LHFPL3: variants seen among roughly 807,000 people sequenced by gnomAD.
LHFPL3 encodes LHFPL tetraspan subfamily member 3, also known as LHFPL tetraspan subfamily member 3 protein.
In LHFPL3, 5 loss-of-function variants were observed where a neutral mutation model predicts 19.3. The ratio of observed to expected loss-of-function variants is 0.26; its 90% CI spans 0.14 to 0.54. The LOEUF (loss-of-function observed/expected upper bound fraction) is 0.54, where lower values mean the gene tolerates loss of function less well. Ranked by LOEUF, LHFPL3 falls within the 20% of genes least tolerant of loss-of-function variation. The pLI is 0.94. For synonymous variants in LHFPL3, 133 were observed against 126.2 expected (o/e 1.05, Z -0.36); for missense variants, 249 against 307.4 (o/e 0.81, Z 1.42).
chr7:104,625,154 G>T (rs938018205), intron 1 of LHFPL3, among the ~76,000 whole-genome samples: 4 of 152,160 alleles, frequency 2.6e-5, no homozygotes, highest in Non-Finnish European at 4.4e-5. Flanking sequence ...CATTGTCCTT[G>T]CATTCAGTGC....
intron 1 of LHFPL3, among the ~76,000 whole-genome samples, chr7:104,631,952 G>C (rs1164299607): frequency 6.6e-6 from 1 of 152,132 alleles, no homozygotes; most frequent in Non-Finnish European, 1.5e-5. Context: ...ATAAGAAGGA[G>C]GTTCTCCACA....
At chr7:104,744,458 A>G (rs1346149628) in intron 2 of LHFPL3, among the ~76,000 whole-genome samples, 1 of 152,250 alleles carries the variant, frequency 6.6e-6, no homozygotes, top group East Asian at 1.9e-4. Context: ...TCATCAAAGC[A>G]TCTCAGAATG....
At chr7:104,727,076 T>C (rs530459382) in intron 1 of LHFPL3, among the ~76,000 whole-genome samples, 24 of 152,386 alleles carry the variant, frequency 1.6e-4, no homozygotes, top group Admixed American at 1.4e-3. Flanking sequence ...ATTTCTCTAA[T>C]GATCAGTGAT....
At chr7:104,406,515 T>C (rs2116503244) in intron 1 of LHFPL3, among the ~76,000 whole-genome samples, 1 of 152,348 alleles carries the variant, frequency 6.6e-6, no homozygotes, top group East Asian at 1.9e-4. Flanking sequence ...ACCCATTTTA[T>C]TGAGATATGA....
chr7:104,641,799 A>G (rs1454259106), intron 1 of LHFPL3, among the ~76,000 whole-genome samples: 1 of 152,236 alleles, frequency 6.6e-6, no homozygotes, highest in Non-Finnish European at 1.5e-5. Context: ...ATTCGGTTCT[A>G]TCAGAACTTC....
rs544838812 is a variant in LHFPL3 at position 104,516,118 on chromosome 7, AG to A, written c.445+186896del. 2.0e-5 allele frequency among the ~76,000 whole-genome samples: 3 copies of A among 152,228 alleles called. No homozygotes were observed. In the South Asian group the frequency reaches 6.2e-4, roughly 32 times the overall value. ...TTGACTCACAGTTCAGCATTTCCTG[AG>A]GCTGAGGAGGCCTCAGGAAACTTAC... is the stretch of plus-strand genomic sequence containing the variant. On this transcript the variant is annotated intron_variant, in intron 1 of 2. Transcript: ENST00000424859.
intron 2 of LHFPL3, among the ~76,000 whole-genome samples, chr7:104,899,560 G>A (rs1215866320): frequency 6.6e-6 from 1 of 152,190 alleles, no homozygotes; most frequent in East Asian, 1.9e-4. Context: ...ACACAGGAAG[G>A]AGAGGAAGCT....
chr7:104,904,027 G>T (rs1429177449), intron 2 of LHFPL3, among the ~76,000 whole-genome samples: 1 of 152,172 alleles, frequency 6.6e-6, no homozygotes, highest in African/African-American at 2.4e-5. Flanking sequence ...CACAGTGGTT[G>T]ATTGTTTTGC....
chr7:104,460,934 C>T (rs896187604), intron 1 of LHFPL3, among the ~76,000 whole-genome samples: 3 of 152,124 alleles, frequency 2.0e-5, no homozygotes, highest in Non-Finnish European at 4.4e-5. Context: ...AATGATATAG[C>T]CTAGGTTGAC....
At chr7:104,694,302 C>T (rs1216031793) in intron 1 of LHFPL3, among the ~76,000 whole-genome samples, 1 of 151,976 alleles carries the variant, frequency 6.6e-6, no homozygotes, top group Non-Finnish European at 1.5e-5. Context: ...CCTAGGGGGA[C>T]AATTAGGAAA....
At chr7:104,622,767 C>T (rs988828311) in intron 1 of LHFPL3, among the ~76,000 whole-genome samples, 8 of 152,160 alleles carry the variant, frequency 5.3e-5, no homozygotes, top group South Asian at 2.1e-4. Context: ...ATAATGCAAA[C>T]GTTCATGTAC....
chr7:104,407,743 T>C (rs4605995), intron 1 of LHFPL3, among the ~76,000 whole-genome samples: 1 of 152,146 alleles, frequency 6.6e-6, no homozygotes, highest in African/African-American at 2.4e-5. Flanking sequence ...AACATTGAAG[T>C]TGGCAGAAAC....
chr7:104,391,093 C>T (rs917297795), intron 1 of LHFPL3, among the ~76,000 whole-genome samples: 12 of 152,280 alleles, frequency 7.9e-5, no homozygotes, highest in South Asian at 4.1e-4. Context: ...AGCCCTTTGT[C>T]AGATGGGTAG....
intron 2 of LHFPL3, among the ~76,000 whole-genome samples, chr7:104,836,894 C>T (rs900011482): frequency 6.6e-6 from 1 of 152,214 alleles, no homozygotes; most frequent in African/African-American, 2.4e-5. Flanking sequence ...ATGAAAATTA[C>T]ACCCAGTCTT....
intron 1 of LHFPL3, among the ~76,000 whole-genome samples, chr7:104,557,985 A>T (rs867525087): frequency 6.6e-6 from 1 of 150,640 alleles, no homozygotes; most frequent in Non-Finnish European, 1.5e-5. Context: ...AATTTCATCC[A>T]TGTCCCTACA....
At chr7:104,520,417 TTG>T in intron 1 of LHFPL3, among the ~76,000 whole-genome samples, 1 of 147,264 alleles carries the variant, frequency 6.8e-6, no homozygotes, top group Admixed American at 6.8e-5. Flanking sequence ...TCTTTTTTTG[TTG>T]TGTCTCTGCC....
At chr7:104,856,684 C>T (rs1791512342) in intron 2 of LHFPL3, among the ~76,000 whole-genome samples, 1 of 152,194 alleles carries the variant, frequency 6.6e-6, no homozygotes, top group Non-Finnish European at 1.5e-5. Context: ...ACGTGAGAAT[C>T]TTTAAATCAC....
In LHFPL3 at chr7:104,630,291, A is replaced by T. The variant is rs140196185; in HGVS notation, c.446-106384A>T. ...GTGAGAAGGTCTAGAGAGATTTTTC[A>T]AAGAACTTGAATGGTGAGCTGGGTT... On this transcript the variant is annotated intron_variant, in intron 1 of 2. Transcript: ENST00000424859. Among the ~76,000 whole-genome samples, 8 of 152,294 alleles carry T rather than the reference A, an allele frequency of 5.3e-5. No individual in the cohort carries two copies. The East Asian group carries it at 1.5e-3, about 29-fold the overall frequency.
chr7:104,798,428 A>C (rs1361990852), intron 2 of LHFPL3: 3 of 152,202 alleles, frequency 2.0e-5, no homozygotes, highest in Non-Finnish European at 4.4e-5. Flanking sequence ...GAAAACAAAA[A>C]TTTTAAGCAT....
Sources: gnomAD v4.1 joint callset for allele counts (sites outside exome capture counted in the v4.1 genomes callset) on GRCh38, gnomAD v4.1.1 for gene constraint, MANE v1.5 for transcripts, NCBI Gene and HGNC (gene_info 2026-07-23, HGNC 2026-07-21) for gene names.